Variants in BHLHE23 observed in about 807,000 individuals in gnomAD.
BHLHE23 encodes the protein basic helix-loop-helix family member e23.
For synonymous variants in BHLHE23, 204 were observed against 184.4 expected (o/e 1.11, Z -0.86); for missense variants, 401 against 380.0 (o/e 1.06, Z -0.46).
Position 63,006,166 on chromosome 20 carries a change from G to C in BHLHE23, c.609C>G (p.Gly203=). 2 of 1,560,146 alleles carry C rather than the reference G, an allele frequency of 1.3e-6. No homozygotes were observed. Among genetic ancestry groups the C allele is most frequent in the Non-Finnish European group, 1.7e-6 (2 of 1,154,926 alleles). The change falls in exon 1 of 1, where the codon GGC becomes GGG. Residue 203 remains glycine (G), a synonymous_variant. Transcript: ENST00000612929. ...CGGAGAAGGGGCACACAGTGGCCTG[G>C]CCGAAGGGCGTCAAGGGCGCGGCGT... ...PVNAAPLTPF[G]QATVCPFSAG... is the part of the protein sequence containing the mutation.
In BHLHE23 at chr20:63,006,947, G is replaced by A. The variant is rs952568972; in HGVS notation, c.-173C>T. On this transcript the variant is annotated 5_prime_UTR_variant, in exon 1 of 1. Coordinates refer to ENST00000612929, the MANE Select transcript of BHLHE23 (RefSeq NM_080606.4). ...ACCTCCTCTCCCTCCCAGCCGCGAC[G>A]CGCAGGGGGCGGGCTCTACCTCCCC... The A allele has an allele frequency of 9.0e-7, 1 of 1,108,374 alleles. No individual in the cohort carries two copies. The highest frequency in any genetic ancestry group is 1.1e-6 in the Non-Finnish European group (1 of 879,004). 68.7% of individuals were successfully genotyped at this position (1,108,374 alleles called of 1,614,324 possible).
Position 63,006,639 on chromosome 20 carries a change from C to A in BHLHE23, c.136G>T (p.Ala46Ser), listed in dbSNP as rs949537646. ...CGGGCCGCTTCGGGTTCTCGCGCCG[C>A]CCCGTAGGCGAGACCCGCAGCCGCC... ...AAAAAGLAYG[A>S]AREPEAARGY... Residue 46 changes from alanine (A) to serine (S), a missense_variant, in exon 1 of 1, where the codon GCG becomes TCG. By Grantham distance (99) the Ala-to-Ser change is moderately conservative. Transcript: ENST00000612929. 8.2e-5 allele frequency: 112 copies of A among 1,361,952 alleles called. 1 individual carries two copies. In the African/African-American group the frequency reaches 1.7e-3, roughly 20 times the overall value. The allele number at this position is 1,361,952 out of a possible 1,614,324, so 84.4% of individuals were successfully genotyped here.
In BHLHE23 at chr20:63,006,690, G is replaced by C; in HGVS notation, c.85C>G (p.Leu29Val). The change falls in exon 1 of 1, where the codon CTG (leucine) becomes GTG (valine). Residue 29 changes from leucine to valine, a missense_variant. By Grantham distance (32) the Leu-to-Val change is conservative. Coordinates refer to ENST00000612929, the MANE Select transcript of BHLHE23 (RefSeq NM_080606.4). Reference sequence around the variant, plus strand: ...GCCGCGTAGCCGTGGCTTAGTGCCAGGTACGCGTCCCCCGACAGCGACTTG... The same window carrying C: ...GCCGCGTAGCCGTGGCTTAGTGCCACGTACGCGTCCCCCGACAGCGACTTG... ...ELKSLSGDAY[L>V]ALSHGYAAAA... The C allele has an allele frequency of 7.3e-7, 1 of 1,368,626 alleles. No individual in the cohort carries two copies. The highest frequency in any genetic ancestry group is 9.4e-7 in the Non-Finnish European group (1 of 1,061,492). 84.8% of individuals were successfully genotyped at this position (1,368,626 alleles called of 1,614,324 possible).
Position 63,006,521 on chromosome 20 carries a change from C to T in BHLHE23, c.254G>A (p.Ser85Asn). 6 of 1,315,228 alleles carry T rather than the reference C, an allele frequency of 4.6e-6. No homozygotes were observed. The highest frequency in any genetic ancestry group is 5.8e-6 in the Non-Finnish European group (6 of 1,042,320). The allele number at this position is 1,315,228 out of a possible 1,614,324, so 81.5% of individuals were successfully genotyped here. Residue 85 changes from serine to asparagine, a missense_variant, in exon 1 of 1, where the codon AGC becomes AAC. Coordinates refer to ENST00000612929, the MANE Select transcript of BHLHE23 (RefSeq NM_080606.4). ...AQAAESSGEQSGDEDDAFEQR... is the reference protein window; with the variant it reads ...AQAAESSGEQNGDEDDAFEQR... ...CTCGAAGGCGTCGTCCTCGTCCCCG[C>T]TCTGTTCGCCGCTGCTCTCCGCCGC...
chr20:63,006,684 G>C lies in BHLHE23; in HGVS notation c.91C>G (p.Leu31Val). 3 of 1,371,962 alleles carry C rather than the reference G, an allele frequency of 2.2e-6. No individual in the cohort carries two copies. Among genetic ancestry groups the C allele is most frequent in the Non-Finnish European group, 2.8e-6 (3 of 1,063,204 alleles). The allele number at this position is 1,371,962 out of a possible 1,614,324, so 85.0% of individuals were successfully genotyped here. The change falls in exon 1 of 1, where the codon CTA (leucine) becomes GTA (valine). Residue 31 changes from leucine to valine, a missense_variant. Physicochemically the swap from Leu to Val is conservative, Grantham distance 32. Transcript: ENST00000612929. ...GCCGCCGCCGCGTAGCCGTGGCTTAGTGCCAGGTACGCGTCCCCCGACAGC... is the reference window on the plus strand; with the variant it reads ...GCCGCCGCCGCGTAGCCGTGGCTTACTGCCAGGTACGCGTCCCCCGACAGC... ...KSLSGDAYLA[L>V]SHGYAAAAAG... is the part of the protein sequence containing the mutation.
chr20:63,006,899 C>G lies in BHLHE23; in HGVS notation c.-125G>C. ...CCCAGAGCCTCGGCGCCCGCTGCCTCCTCCGCCTCTTCCTTCTCTCCCACC... is the reference window on the plus strand; with the variant it reads ...CCCAGAGCCTCGGCGCCCGCTGCCTGCTCCGCCTCTTCCTTCTCTCCCACC... On this transcript the variant is annotated 5_prime_UTR_variant, in exon 1 of 1. Transcript: ENST00000612929. The G allele has an allele frequency of 1.6e-6, 2 of 1,219,760 alleles. No individual in the cohort carries two copies. Among genetic ancestry groups the G allele is most frequent in the Non-Finnish European group, 2.0e-6 (2 of 979,148 alleles). 75.6% of individuals were successfully genotyped at this position (1,219,760 alleles called of 1,614,324 possible). A position where few individuals can be genotyped will look rare whatever the true frequency, so the allele number is the denominator to read the frequency against.
Position 63,006,706 on chromosome 20 carries a change from C to A in BHLHE23, c.69G>T (p.Leu23=). 7.3e-7 allele frequency: 1 copy of A among 1,362,852 alleles called. No homozygotes were observed. The highest frequency in any genetic ancestry group is 1.5e-5 in the African/African-American group (1 of 66,064). The allele number at this position is 1,362,852 out of a possible 1,614,324, so 84.4% of individuals were successfully genotyped here. ...GGAAMAELKS[L]SGDAYLALSH... ...TTAGTGCCAGGTACGCGTCCCCCGA[C>A]AGCGACTTGAGCTCGGCCATGGCCG... The change falls in exon 1 of 1, where the codon CTG becomes CTT. Residue 23 remains leucine (L), a synonymous_variant. Transcript: ENST00000612929.
At position 63,006,384 on chromosome 20, in the gene BHLHE23, C is replaced by T. The variant is rs145214255; in HGVS notation, c.391G>A (p.Asp131Asn). 1.9e-6 allele frequency: 3 copies of T among 1,599,848 alleles called. No individual in the cohort carries two copies. Among genetic ancestry groups the T allele is most frequent in the Non-Finnish European group, 2.5e-6 (3 of 1,177,464 alleles). The change falls in exon 1 of 1, where the codon GAC becomes AAC. Residue 131 changes from aspartate (D) to asparagine (N), a missense_variant. By Grantham distance (23) the Asp-to-Asn change is conservative. Transcript: ENST00000612929. Reference protein sequence around the residue: ...INARERRRMHDLNDALDGLRA... With the variant: ...INARERRRMHNLNDALDGLRA... ...AGCCCGTCCAGCGCGTCGTTTAGGT[C>T]GTGCATGCGCCGCCGCTCGCGCGCG...
chr20:63,005,983 C>G lies in BHLHE23; in HGVS notation c.*66G>C, dbSNP rs966559732. ...CAGGGTCCCTCCAGGCCTTTCCTGT[C>G]CGGGCAGAGAGACAGTCACAGGGGC... On this transcript the variant is annotated 3_prime_UTR_variant, in exon 1 of 1. Transcript: ENST00000612929. The G allele has an allele frequency of 6.9e-7, 1 of 1,446,268 alleles. No homozygotes were observed. Among genetic ancestry groups the G allele is most frequent in the East Asian group, 2.5e-5 (1 of 39,608 alleles). The allele number at this position is 1,446,268 out of a possible 1,614,324, so 89.6% of individuals were successfully genotyped here. A position where few individuals can be genotyped will look rare whatever the true frequency, so the allele number is the denominator to read the frequency against.
chr20:63,006,786 GC>G lies in BHLHE23; in HGVS notation c.-13del. On this transcript the variant is annotated 5_prime_UTR_variant, in exon 1 of 1. Transcript: ENST00000612929. ...GGGCGGATGCTCATGTGGGTGAGCAGCCCCCGAGGCCGGCCCGAGCCCGCCG... is the reference window on the plus strand; with the variant it reads ...GGGCGGATGCTCATGTGGGTGAGCAGCCCCGAGGCCGGCCCGAGCCCGCCG... 8.0e-7 allele frequency: 1 copy of G among 1,247,176 alleles called. No individual in the cohort carries two copies. Among genetic ancestry groups the G allele is most frequent in the East Asian group, 3.2e-5 (1 of 31,246 alleles). The allele number at this position is 1,247,176 out of a possible 1,614,324, so 77.3% of individuals were successfully genotyped here.
Position 63,006,857 on chromosome 20 carries a change from C to A in BHLHE23, c.-83G>T. Reference sequence around the variant, plus strand: ...GAGGCTCCCGGCTCTGCGCGTCGGTCTGGCTTGCCTGCGGGTCCCAGAGCC... The same window carrying A: ...GAGGCTCCCGGCTCTGCGCGTCGGTATGGCTTGCCTGCGGGTCCCAGAGCC... On this transcript the variant is annotated 5_prime_UTR_variant, in exon 1 of 1. Transcript: ENST00000612929. 8.2e-7 allele frequency: 1 copy of A among 1,223,400 alleles called. No individual in the cohort carries two copies. Among genetic ancestry groups the A allele is most frequent in the South Asian group, 4.1e-5 (1 of 24,516 alleles). 75.8% of individuals were successfully genotyped at this position (1,223,400 alleles called of 1,614,324 possible). A position where few individuals can be genotyped will look rare whatever the true frequency, so the allele number is the denominator to read the frequency against.
At position 63,006,933 on chromosome 20, in the gene BHLHE23, C is replaced by T. The variant is rs1300309556; in HGVS notation, c.-159G>A. On this transcript the variant is annotated 5_prime_UTR_variant, in exon 1 of 1. Transcript: ENST00000612929. ...CTTCCTTCTCTCCCACCTCCTCTCC[C>T]TCCCAGCCGCGACGCGCAGGGGGCG... is the stretch of plus-strand genomic sequence containing the variant. 2.5e-6 allele frequency: 3 copies of T among 1,177,654 alleles called. No homozygotes were observed. Among genetic ancestry groups the T allele is most frequent in the Middle Eastern group, 3.2e-4 (1 of 3,108 alleles). 73.0% of individuals were successfully genotyped at this position (1,177,654 alleles called of 1,614,324 possible). A position where few individuals can be genotyped will look rare whatever the true frequency, so the allele number is the denominator to read the frequency against.
rs2147683329 is a variant in BHLHE23, at chr20:63,006,732, C to T, written c.43G>A (p.Ala15Thr). The T allele has an allele frequency of 4.6e-6, 6 of 1,315,396 alleles. No homozygotes were observed. The highest frequency in any genetic ancestry group is 5.8e-6 in the Non-Finnish European group (6 of 1,034,150). The allele number at this position is 1,315,396 out of a possible 1,614,324, so 81.5% of individuals were successfully genotyped here. Residue 15 changes from alanine (A) to threonine (T), a missense_variant, in exon 1 of 1, where the codon GCG (alanine) becomes ACG (threonine). By Grantham distance (58) the Ala-to-Thr change is moderately conservative. Coordinates refer to ENST00000612929, the MANE Select transcript of BHLHE23 (RefSeq NM_080606.4). Reference sequence around the variant, plus strand: ...AGCGACTTGAGCTCGGCCATGGCCGCGCCGCCTGGGCTCGGGGGCTCGCCG... The same window carrying T: ...AGCGACTTGAGCTCGGCCATGGCCGTGCCGCCTGGGCTCGGGGGCTCGCCG... ...PPGEPPSPGGAAMAELKSLSG... is the reference protein window; with the variant it reads ...PPGEPPSPGGTAMAELKSLSG...
chr20:63,006,717 G>C lies in BHLHE23; in HGVS notation c.58C>G (p.Leu20Val). The C allele has an allele frequency of 7.4e-7, 1 of 1,345,382 alleles. No individual in the cohort carries two copies. The highest frequency in any genetic ancestry group is 9.5e-7 in the Non-Finnish European group (1 of 1,050,532). The allele number at this position is 1,345,382 out of a possible 1,614,324, so 83.3% of individuals were successfully genotyped here. The change falls in exon 1 of 1, where the codon CTC (leucine) becomes GTC (valine). Residue 20 changes from leucine (L) to valine (V), a missense_variant. By Grantham distance (32) the Leu-to-Val change is conservative. Coordinates refer to ENST00000612929, the MANE Select transcript of BHLHE23 (RefSeq NM_080606.4). ...TACGCGTCCCCCGACAGCGACTTGA[G>C]CTCGGCCATGGCCGCGCCGCCTGGG... Reference protein sequence around the residue: ...PSPGGAAMAELKSLSGDAYLA... With the variant: ...PSPGGAAMAEVKSLSGDAYLA...
In BHLHE23 at chr20:63,006,543, C is replaced by A. The variant is rs2147683162; in HGVS notation, c.232G>T (p.Ala78Ser). The change falls in exon 1 of 1, where the codon GCG (alanine) becomes TCG (serine). Residue 78 changes from alanine (A) to serine (S), a missense_variant. Physicochemically the swap from Ala to Ser is moderately conservative, Grantham distance 99. Coordinates refer to ENST00000612929, the MANE Select transcript of BHLHE23 (RefSeq NM_080606.4). ...CCGCTCTGTTCGCCGCTGCTCTCCG[C>A]CGCCTGAGCTGGGGCGCGAGGTGCA... Reference protein sequence around the residue: ...APAPRAPAQAAESSGEQSGDE... With the variant: ...APAPRAPAQASESSGEQSGDE... 1 of 1,294,714 alleles carries A rather than the reference C, an allele frequency of 7.7e-7. No homozygotes were observed. Among genetic ancestry groups the A allele is most frequent in the South Asian group, 2.5e-5 (1 of 40,278 alleles). The allele number at this position is 1,294,714 out of a possible 1,614,324, so 80.2% of individuals were successfully genotyped here. A position where few individuals can be genotyped will look rare whatever the true frequency, so the allele number is the denominator to read the frequency against.
rs769445586 is a variant in BHLHE23, at chr20:63,006,209, C to A, written c.566G>T (p.Gly189Val). The A allele has an allele frequency of 1.3e-6, 2 of 1,598,772 alleles. No individual in the cohort carries two copies. Among genetic ancestry groups the A allele is most frequent in the Non-Finnish European group, 1.7e-6 (2 of 1,174,736 alleles). ...RLVAFLNQGQ[G>V]LAAPVNAAPL... The stretch of plus-strand genomic sequence containing the variant: ...CGCGGCGTTTACGGGCGCGGCCAGG[C>A]CCTGGCCCTGGTTGAGGAAGGCCAC... Residue 189 changes from glycine to valine, a missense_variant, in exon 1 of 1, where the codon GGC (glycine) becomes GTC (valine). By Grantham distance (109) the Gly-to-Val change is moderately radical. Transcript: ENST00000612929.
In BHLHE23 at chr20:63,006,660, C is replaced by A. The variant is rs1210223630; in HGVS notation, c.115G>T (p.Ala39Ser). The A allele has an allele frequency of 7.3e-7, 1 of 1,371,990 alleles. No individual in the cohort carries two copies. The highest frequency in any genetic ancestry group is 3.1e-5 in the Admixed American group (1 of 31,926). 85.0% of individuals were successfully genotyped at this position (1,371,990 alleles called of 1,614,324 possible). A position where few individuals can be genotyped will look rare whatever the true frequency, so the allele number is the denominator to read the frequency against. Residue 39 changes from alanine (A) to serine (S), a missense_variant, in exon 1 of 1, where the codon GCT becomes TCT. Ala to Ser is a moderately conservative substitution (Grantham distance 99, BLOSUM62 1). Transcript: ENST00000612929. Reference sequence around the variant, plus strand: ...GCCGCCCCGTAGGCGAGACCCGCAGCCGCCGCCGCGTAGCCGTGGCTTAGT... The same window carrying A: ...GCCGCCCCGTAGGCGAGACCCGCAGACGCCGCCGCGTAGCCGTGGCTTAGT... ...LALSHGYAAAAAGLAYGAARE... is the reference protein window; with the variant it reads ...LALSHGYAAASAGLAYGAARE...
chr20:63,006,491 C>A lies in BHLHE23; in HGVS notation c.284G>T (p.Arg95Leu), dbSNP rs965193036. Reference sequence around the variant, plus strand: ...GCTCCCTGGCCCGCGCCGCCGCCGCCGCTGCTCGAAGGCGTCGTCCTCGTC... The same window carrying A: ...GCTCCCTGGCCCGCGCCGCCGCCGCAGCTGCTCGAAGGCGTCGTCCTCGTC... Reference protein sequence around the residue: ...SGDEDDAFEQRRRRRGPGSAA... With the variant: ...SGDEDDAFEQLRRRRGPGSAA... The change falls in exon 1 of 1, where the codon CGG becomes CTG. Residue 95 changes from arginine (R) to leucine (L), a missense_variant. Coordinates refer to ENST00000612929, the MANE Select transcript of BHLHE23 (RefSeq NM_080606.4). The A allele has an allele frequency of 2.3e-6, 3 of 1,323,306 alleles. No homozygotes were observed. Among genetic ancestry groups the A allele is most frequent in the Non-Finnish European group, 2.9e-6 (3 of 1,046,884 alleles). 82.0% of individuals were successfully genotyped at this position (1,323,306 alleles called of 1,614,324 possible). A position where few individuals can be genotyped will look rare whatever the true frequency, so the allele number is the denominator to read the frequency against.
At position 63,006,808 on chromosome 20, in the gene BHLHE23, C is replaced by CGCCGCT. The variant is rs918145672; in HGVS notation, c.-40_-35dup. On this transcript the variant is annotated 5_prime_UTR_variant, in exon 1 of 1. Transcript: ENST00000612929. The stretch of plus-strand genomic sequence containing the variant: ...GCAGCCCCCGAGGCCGGCCCGAGCC[C>CGCCGCT]GCCGCTGCCGCTGCCGCTGCGATGA... The CGCCGCT allele has an allele frequency of 9.4e-5, 116 of 1,235,214 alleles. 2 individuals carry two copies. The highest frequency in any genetic ancestry group is 8.7e-4 in the South Asian group (24 of 27,596). The allele number at this position is 1,235,214 out of a possible 1,614,324, so 76.5% of individuals were successfully genotyped here.
Sources: gnomAD v4.1 joint callset for allele counts on GRCh38, gnomAD v4.1.1 for gene constraint, MANE v1.5 for transcripts, NCBI Gene and HGNC (gene_info 2026-07-23, HGNC 2026-07-21) for gene names.